Variants in SLC41A2 observed in about 807,000 individuals in gnomAD.
The protein encoded by SLC41A2 is solute carrier family 41 member 2.
Under a neutral mutation model 58.3 loss-of-function variants are expected in SLC41A2, and 32 were observed. That is an observed-to-expected ratio of 0.55 (90% confidence interval 0.41 to 0.74). The LOEUF (loss-of-function observed/expected upper bound fraction) is 0.74, where lower values mean the gene tolerates loss of function less well. SLC41A2 is among the 30% of genes least tolerant of loss of function. SLC41A2 has a pLI of 0.00. For synonymous variants in SLC41A2, 190 were observed against 235.0 expected (o/e 0.81, Z 1.75); for missense variants, 514 against 680.6 (o/e 0.76, Z 2.72).
At chr12:104,922,590 A>T (rs1454675840) in intron 2 of SLC41A2, among the ~76,000 whole-genome samples, 1 of 152,212 alleles carries the variant, frequency 6.6e-6, no homozygotes, top group Non-Finnish European at 1.5e-5. Context: ...GGGGACTTCA[A>T]CACTCCACTC....
At chr12:104,861,470 T>TCA in intron 7 of SLC41A2, 100 bp from the exon 8 acceptor site, 1 of 605,594 alleles carries the variant, frequency 1.7e-6, no homozygotes, top group African/African-American at 1.9e-5. Context: ...AATAAAATAT[T>TCA]CACACATTTT....
intron 2 of SLC41A2, among the ~76,000 whole-genome samples, chr12:104,925,090 CA>C (rs35342477): frequency 0.031 from 4,644 of 152,092 alleles, 137 homozygotes; most frequent in East Asian, 0.15. Flanking sequence ...GAAGAAGGCA[CA>C]AGGAGGACTA....
At chr12:104,952,329 C>T (rs1398516235) in intron 1 of SLC41A2, among the ~76,000 whole-genome samples, 3 of 152,094 alleles carry the variant, frequency 2.0e-5, no homozygotes, top group Non-Finnish European at 4.4e-5. Flanking sequence ...TCTCACAGAC[C>T]TTTTGGTCTT....
intron 3 of SLC41A2, among the ~76,000 whole-genome samples, chr12:104,900,237 C>T (rs1031507183): frequency 6.6e-6 from 1 of 152,134 alleles, no homozygotes; most frequent in Non-Finnish European, 1.5e-5. Flanking sequence ...CTTTTCATTG[C>T]CTTCAAATAG....
At chr12:104,952,915 TC>T (rs138460006) in intron 1 of SLC41A2, among the ~76,000 whole-genome samples, 6,231 of 152,298 alleles carry the variant, frequency 0.041, 175 homozygotes, top group East Asian at 0.11. Flanking sequence ...CTCTTTAACA[TC>T]CATGTCCCTG....
At position 104,803,949 on chromosome 12, in the gene SLC41A2, T is replaced by G. The variant is rs927645410; in HGVS notation, c.*1203A>C. The G allele has an allele frequency of 1.3e-5, 2 of 152,020 alleles. No homozygotes were observed. The highest frequency in any genetic ancestry group is 4.2e-4 in the South Asian group (2 of 4,818). The allele number at this position is 152,020 out of a possible 1,614,324, so 9.4% of individuals were successfully genotyped here. ...GATTATATTAAATAGTACTACTTTT[T>G]AAAATAAGAAATTATTAATTATTAA... On this transcript the variant is annotated 3_prime_UTR_variant, in exon 11 of 11. Coordinates refer to ENST00000258538, the MANE Select transcript of SLC41A2 (RefSeq NM_001352171.3).
chr12:104,868,364 A>C (rs1273298619), intron 6 of SLC41A2, among the ~76,000 whole-genome samples: 1 of 152,222 alleles, frequency 6.6e-6, no homozygotes, highest in Non-Finnish European at 1.5e-5. Flanking sequence ...TTCTCAGGTC[A>C]AGAGAGGAGC....
At chr12:104,816,569 A>G (rs1017675492) in intron 10 of SLC41A2, among the ~76,000 whole-genome samples, 1 of 152,172 alleles carries the variant, frequency 6.6e-6, no homozygotes, top group Non-Finnish European at 1.5e-5. Context: ...AGACAAAAGC[A>G]AGGCCTGTCT....
chr12:104,802,750 G>A lies in SLC41A2; in HGVS notation c.*2402C>T, dbSNP rs963301207. 5 of 151,992 alleles carry A rather than the reference G, an allele frequency of 3.3e-5. No homozygotes were observed. The highest frequency in any genetic ancestry group is 7.4e-5 in the Non-Finnish European group (5 of 67,970). 9.4% of individuals were successfully genotyped at this position (151,992 alleles called of 1,614,324 possible). A position where few individuals can be genotyped will look rare whatever the true frequency, so the allele number is the denominator to read the frequency against. On this transcript the variant is annotated 3_prime_UTR_variant, in exon 11 of 11. Coordinates refer to ENST00000258538, the MANE Select transcript of SLC41A2 (RefSeq NM_001352171.3). ...TCACCATCAGGATATAATAAACGGA[G>A]GTTTCTTTGTCTGAAATCCATAAAA...
intron 1 of SLC41A2, among the ~76,000 whole-genome samples, chr12:104,940,260 C>T (rs1015425062): frequency 2.7e-4 from 41 of 151,936 alleles, no homozygotes; most frequent in Non-Finnish European, 5.9e-5. Context: ...GATCCACCTG[C>T]CTCAGCTTCC....
intron 3 of SLC41A2, among the ~76,000 whole-genome samples, chr12:104,900,697 CATTT>C (rs1431190594): frequency 6.6e-6 from 1 of 152,170 alleles, no homozygotes; most frequent in Non-Finnish European, 1.5e-5. Flanking sequence ...TATGCAGTTC[CATTT>C]GTATCTAGCA....
At chr12:104,856,165 T>G (rs1283346264) in intron 8 of SLC41A2, among the ~76,000 whole-genome samples, 1 of 152,072 alleles carries the variant, frequency 6.6e-6, no homozygotes, top group Non-Finnish European at 1.5e-5. Context: ...GAGACAATAT[T>G]GCCCATAAAG....
chr12:104,916,103 C>A (rs2046307413), intron 2 of SLC41A2, among the ~76,000 whole-genome samples: 2 of 152,154 alleles, frequency 1.3e-5, no homozygotes, highest in African/African-American at 4.8e-5. Flanking sequence ...ATCAGCCTTG[C>A]ATCCCAGGGA....
chr12:104,810,836 A>G (rs2041142368), intron 10 of SLC41A2, among the ~76,000 whole-genome samples: 1 of 152,198 alleles, frequency 6.6e-6, no homozygotes, highest in South Asian at 2.1e-4. Context: ...ACGATCACAC[A>G]GCTTGCAGGT....
At position 104,928,290 on chromosome 12, in the gene SLC41A2, A is replaced by C. The variant is rs377630720; in HGVS notation, c.238T>G (p.Ser80Ala). The C allele has an allele frequency of 1.8e-4, 297 of 1,612,852 alleles. No individual in the cohort carries two copies. The highest frequency in any genetic ancestry group is 2.3e-4 in the Non-Finnish European group (273 of 1,179,192). The change falls in exon 2 of 11, where the codon TCT (serine) becomes GCT (alanine). Residue 80 changes from serine to alanine, a missense_variant. Physicochemically the swap from Ser to Ala is moderately conservative, Grantham distance 99. Transcript: ENST00000258538. ...CTGTGATACTCCATGTGTTGCTCAG[A>C]TCTATTACTAAAAGTCTGTACTGCA... Reference protein sequence around the residue: ...STAVQTFSNRSEQHMEYHSFS... With the variant: ...STAVQTFSNRAEQHMEYHSFS...
chr12:104,853,911 A>ATTTTTTTTTTTTTTTTTTTTT, intron 8 of SLC41A2, among the ~76,000 whole-genome samples: 1 of 59,498 alleles, frequency 1.7e-5, no homozygotes, highest in African/African-American at 6.9e-5. Context: ...TGCCTGGCTG[A>ATTTTTTTTTTTTTTTTTTTTT]TTTTTTTTTT....
intron 2 of SLC41A2, among the ~76,000 whole-genome samples, chr12:104,924,317 T>A (rs758254021): frequency 1.1e-4 from 17 of 152,236 alleles, no homozygotes; most frequent in Non-Finnish European, 2.1e-4. Flanking sequence ...CTCTGCTAAT[T>A]AGACTGTAAA....
intron 3 of SLC41A2, among the ~76,000 whole-genome samples, chr12:104,908,861 A>G (rs2045961515): frequency 6.6e-6 from 1 of 152,242 alleles, no homozygotes; most frequent in Admixed American, 6.5e-5. Context: ...AGTAATTACA[A>G]TCCTAGAACA....
At chr12:104,861,059 A>G (rs1278759853) in intron 8 of SLC41A2, among the ~76,000 whole-genome samples, 1 of 152,198 alleles carries the variant, frequency 6.6e-6, no homozygotes, top group African/African-American at 2.4e-5. Flanking sequence ...CTGACTCTCA[A>G]ACTAGTAGTT....
Sources: gnomAD v4.1 joint callset for allele counts (sites outside exome capture counted in the v4.1 genomes callset) on GRCh38, gnomAD v4.1.1 for gene constraint, MANE v1.5 for transcripts, NCBI Gene and HGNC (gene_info 2026-07-23, HGNC 2026-07-21) for gene names.